Variants in KNL1 observed in about 807,000 individuals in gnomAD.
KNL1 encodes kinetochore scaffold 1.
In KNL1, 66 loss-of-function variants were observed where a neutral mutation model predicts 201.3. The ratio of observed to expected loss-of-function variants is 0.33; its 90% CI spans 0.27 to 0.40. The LOEUF (loss-of-function observed/expected upper bound fraction) is 0.40, where lower values mean the gene tolerates loss of function less well. Among genes scored for constraint, KNL1 ranks in the 10% least tolerant of loss-of-function variants. KNL1 has a pLI of 1.00. For synonymous variants in KNL1, 895 were observed against 899.2 expected (o/e 1.00, Z 0.08); for missense variants, 2,815 against 2,690.5 (o/e 1.05, Z -1.02).
chr15:40,602,673 CG>C (rs1208786438), intron 1 of KNL1, among the ~76,000 whole-genome samples: 1 of 151,408 alleles, frequency 6.6e-6, no homozygotes, highest in Non-Finnish European at 1.5e-5. Flanking sequence ...TTGGTAGAGA[CG>C]GGGTTTCTCC....
intron 10 of KNL1, among the ~76,000 whole-genome samples, chr15:40,626,493 T>C (rs534589808): frequency 2.6e-5 from 4 of 152,174 alleles, no homozygotes; most frequent in Admixed American, 2.0e-4. Flanking sequence ...TCGATAAATA[T>C]ATAGATTATC....
chr15:40,606,484 A>G, intron 4 of KNL1, 32 bp downstream of exon 4: 1 of 1,174,346 alleles, frequency 8.5e-7, no homozygotes, highest in Non-Finnish European at 1.3e-6. Flanking sequence ...TTTATAGATG[A>G]CTATTTTCAG....
chr15:40,622,716 G>C lies in KNL1; in HGVS notation c.2452G>C (p.Val818Leu). ...TAAAAGTCCCATAGAAAAAAGTGGA[G>C]TGCTTAAATCTAACTGTATTATGGA... is the stretch of plus-strand genomic sequence containing the variant. ...CGKSPIEKSG[V>L]LKSNCIMDVL... is the part of the protein sequence containing the mutation. Residue 818 changes from valine (V) to leucine (L), a missense_variant, in exon 10 of 26, where the codon GTG becomes CTG. By Grantham distance (32) the Val-to-Leu change is conservative (BLOSUM62 1). Around this residue, in one of 3 missense-constraint regions of KNL1, gnomAD observed 2,464 missense variants for 2,291.7 expected, o/e 1.08. Coordinates refer to ENST00000399668, the MANE Select transcript of KNL1 (RefSeq NM_144508.5). 6.3e-7 allele frequency: 1 copy of C among 1,590,788 alleles called. No individual in the cohort carries two copies.
At chr15:40,639,585 C>CAAA (rs139167651) in intron 13 of KNL1, among the ~76,000 whole-genome samples, 1 of 128,238 alleles carries the variant, frequency 7.8e-6, no homozygotes, top group Admixed American at 8.2e-5. Flanking sequence ...AACTTCATCT[C>CAAA]AAAAAAAAAA....
chr15:40,635,501 T>C (rs1426908283), intron 13 of KNL1, among the ~76,000 whole-genome samples: 1 of 152,084 alleles, frequency 6.6e-6, no homozygotes, highest in South Asian at 2.1e-4. Context: ...ATTACAGGCA[T>C]ACACCACCAC....
chr15:40,596,104 G>T (rs1236236628), intron 1 of KNL1, among the ~76,000 whole-genome samples: 3 of 152,026 alleles, frequency 2.0e-5, no homozygotes, highest in Non-Finnish European at 4.4e-5. Context: ...TTAGAGTAGT[G>T]GTTCCCAAAT....
chr15:40,626,405 A>AGG (rs1216252996), intron 10 of KNL1, among the ~76,000 whole-genome samples: 2 of 150,426 alleles, frequency 1.3e-5, no homozygotes, highest in Non-Finnish European at 3.0e-5. Flanking sequence ...TCCTGATCTC[A>AGG]GGTGATCCAC....
Position 40,663,880 on chromosome 15 carries a change from A to G in KNL1, c.*1692A>G, listed in dbSNP as rs562434194. On this transcript the variant is annotated 3_prime_UTR_variant, in exon 26 of 26. Transcript: ENST00000399668. Reference sequence around the variant, plus strand: ...AAGTCCTGTGGATCCCCTGAATGTTATTGTCCCTCTTGATTGGTTTTTACT... The same window carrying G: ...AAGTCCTGTGGATCCCCTGAATGTTGTTGTCCCTCTTGATTGGTTTTTACT... 1.1e-4 allele frequency: 22 copies of G among 193,446 alleles called. 1 individual carries two copies. The South Asian group carries it at 3.5e-3, about 31-fold the overall frequency. The allele number at this position is 193,446 out of a possible 1,614,324, so 12.0% of individuals were successfully genotyped here. A position where few individuals can be genotyped will look rare whatever the true frequency, so the allele number is the denominator to read the frequency against.
intron 2 of KNL1, 61 bp from the exon 3 acceptor site, chr15:40,605,049 T>C: frequency 1.1e-6 from 1 of 870,262 alleles, no homozygotes; most frequent in Non-Finnish European, 2.0e-6. Flanking sequence ...GCTGTGATGA[T>C]GCCTTTTGTG....
At chr15:40,649,266 A>G (rs954859623) in intron 17 of KNL1, among the ~76,000 whole-genome samples, 1 of 151,494 alleles carries the variant, frequency 6.6e-6, no homozygotes, top group African/African-American at 2.4e-5. Context: ...TACACCTCTT[A>G]AATTCTAACC....
In KNL1 at chr15:40,606,317, AT is replaced by A. The variant is rs546062057; in HGVS notation, c.76-75del. The A allele has an allele frequency of 1.3e-3, 1,147 of 867,420 alleles. 1 individual carries two copies. Among genetic ancestry groups the A allele is most frequent in the Admixed American group, 2.1e-3 (107 of 50,738 alleles). 53.7% of individuals were successfully genotyped at this position (867,420 alleles called of 1,614,324 possible). ...TAATGAAAATTTTAGCTTTCTACCT[AT>A]GATATAACTTGAAATAAACTGATTC... On this transcript the variant is annotated intron_variant, in intron 3 of 25. Transcript: ENST00000399668.
At chr15:40,605,212 A>T in intron 3 of KNL1, 63 bp downstream of exon 3, 1 of 935,238 alleles carries the variant, frequency 1.1e-6, no homozygotes, top group South Asian at 1.3e-5. Context: ...CATATATCAC[A>T]GTAGTTTTGA....
At chr15:40,647,635 C>G (rs563433470) in intron 17 of KNL1, among the ~76,000 whole-genome samples, 2 of 152,224 alleles carry the variant, frequency 1.3e-5, no homozygotes, top group South Asian at 4.1e-4. Context: ...AACCGTCTAT[C>G]CTTTCAGTTT....
intron 13 of KNL1, among the ~76,000 whole-genome samples, chr15:40,634,872 T>C (rs1185880042): frequency 6.6e-6 from 1 of 152,054 alleles, no homozygotes; most frequent in Non-Finnish European, 1.5e-5. Context: ...CAGGTCTTGC[T>C]GAAGTCAGGA....
In KNL1 at chr15:40,602,716, C is replaced by A. The variant is rs571132731; in HGVS notation, c.-17-199C>A. ...GTCAGGCTGATCTCAAACTTCTGACCTCAGGTGATCTGCCTGCCTCGGCCT... is the reference window on the plus strand; with the variant it reads ...GTCAGGCTGATCTCAAACTTCTGACATCAGGTGATCTGCCTGCCTCGGCCT... On this transcript the variant is annotated intron_variant, in intron 1 of 25. Transcript: ENST00000399668. Among the ~76,000 whole-genome samples, 29 of 149,308 alleles carry A rather than the reference C, an allele frequency of 1.9e-4. 1 individual carries two copies. The highest frequency in any genetic ancestry group is 7.1e-4 in the African/African-American group (29 of 40,608).
In KNL1 at chr15:40,615,493, G is replaced by A. The variant is rs574762891; in HGVS notation, c.322+115G>A. 2,353 of 173,542 alleles carry A rather than the reference G, an allele frequency of 0.014. 54 individuals are homozygous for A. The African/African-American group carries it at 0.31, about 23-fold the overall frequency. 10.8% of individuals were successfully genotyped at this position (173,542 alleles called of 1,614,324 possible). Reference sequence around the variant, plus strand: ...ACGAAAAAAAAGCAAACAGAGGCCAGGCACGGTGCTCACGCCTGTAATCCC... The same window carrying A: ...ACGAAAAAAAAGCAAACAGAGGCCAAGCACGGTGCTCACGCCTGTAATCCC... On this transcript the variant is annotated intron_variant, in intron 8 of 25. Coordinates refer to ENST00000399668, the MANE Select transcript of KNL1 (RefSeq NM_144508.5).
At chr15:40,626,528 T>C (rs1892758867) in intron 10 of KNL1, among the ~76,000 whole-genome samples, 1 of 152,130 alleles carries the variant, frequency 6.6e-6, no homozygotes, top group Non-Finnish European at 1.5e-5. Context: ...CACTGTTTTA[T>C]GTGCTGGGAA....
chr15:40,644,744 G>A (rs1893335450), intron 14 of KNL1, among the ~76,000 whole-genome samples: 2 of 152,322 alleles, frequency 1.3e-5, no homozygotes, highest in Non-Finnish European at 2.9e-5. Context: ...GGCACGTCCT[G>A]CACAGCCCTA....
chr15:40,634,707 G>A (rs1405016398), intron 13 of KNL1, among the ~76,000 whole-genome samples: 1 of 152,116 alleles, frequency 6.6e-6, no homozygotes, highest in Non-Finnish European at 1.5e-5. Flanking sequence ...CTTATAAAGG[G>A]AAAGTAGAAA....
Sources: gnomAD v4.1 joint callset for allele counts (sites outside exome capture counted in the v4.1 genomes callset) on GRCh38, gnomAD v4.1.1 for gene constraint, gnomAD v4.1.1 regional missense constraint, MANE v1.5 for transcripts, NCBI Gene and HGNC (gene_info 2026-07-23, HGNC 2026-07-21) for gene names.